SAMD5: variants seen among roughly 807,000 people sequenced by gnomAD.
SAMD5 encodes the protein sterile alpha motif domain-containing protein 5.
SAMD5 carries 13 observed loss-of-function variants against 11.3 expected under a neutral mutation model. That is an observed-to-expected ratio of 1.15 (90% CI 0.75 to 1.83). SAMD5 has a LOEUF of 1.83. SAMD5 is among the 40% of genes most tolerant of loss of function. The probability of loss-of-function intolerance (pLI) is 0.00; values close to 1 mark genes in which losing one functional copy is unlikely to be tolerated. For missense variants in SAMD5, 255 were observed against 239.1 expected (o/e 1.07, Z -0.44); for synonymous variants, 129 against 111.3 (o/e 1.16, Z -1.00).
intron 1 of SAMD5, among the ~76,000 whole-genome samples, chr6:147,657,751 A>G (rs1790592366): frequency 6.6e-6 from 1 of 152,200 alleles, no homozygotes; most frequent in Non-Finnish European, 1.5e-5. Flanking sequence ...TAGAAGGGGC[A>G]TGGAAGCTCT....
At position 147,566,779 on chromosome 6, in the gene SAMD5, A is replaced by C. The variant is rs1196145710; in HGVS notation, c.*2323A>C. ...GAAGAAAACTTCAAATAAGCAAAGA[A>C]GTATTGAAGGATGCCCACGAATTCC... On this transcript the variant is annotated 3_prime_UTR_variant, in exon 2 of 2. Transcript: ENST00000367474. 1 of 983,718 alleles carries C rather than the reference A, an allele frequency of 1.0e-6. No homozygotes were observed. The highest frequency in any genetic ancestry group is 1.2e-6 in the Non-Finnish European group (1 of 828,476). The allele number at this position is 983,718 out of a possible 1,614,324, so 60.9% of individuals were successfully genotyped here.
chr6:147,547,318 G>A (rs1203677068), intron 1 of SAMD5, among the ~76,000 whole-genome samples: 1 of 152,238 alleles, frequency 6.6e-6, no homozygotes, highest in Non-Finnish European at 1.5e-5. Context: ...TCTGCTCAGA[G>A]TTGCAGAAAG....
chr6:147,564,118 T>A (rs1204073464), intron 1 of SAMD5, among the ~76,000 whole-genome samples: 1 of 152,198 alleles, frequency 6.6e-6, no homozygotes, highest in East Asian at 1.9e-4. Flanking sequence ...TTTTTTAAGT[T>A]TCCACCTCTT....
chr6:147,747,537 C>T, the SAMD5 span, among the ~76,000 whole-genome samples: 22 of 152,180 alleles, frequency 1.4e-4, no homozygotes, highest in African/African-American at 4.6e-4. Context: ...TTTTTTGAGA[C>T]GGGGTCTCTA....
Position 147,632,575 on chromosome 6 carries a change from G to A in SAMD5, c.163-104742G>A, listed in dbSNP as rs150372404. Among the ~76,000 whole-genome samples the A allele has an allele frequency of 3.2e-3, 486 of 152,256 alleles. 2 individuals carry two copies. The highest frequency in any genetic ancestry group is 0.011 in the African/African-American group (450 of 41,544). On this transcript the variant is annotated intron_variant, in intron 1 of 1. Transcript: ENST00000566741. ...TAAAAGTATTAAGGCAGTGGGAGCC[G>A]CCGCATGCAGACATGAGGGCTAGGC...
At chr6:147,942,863 C>T in the SAMD5 span, among the ~76,000 whole-genome samples, 6 of 133,128 alleles carry the variant, frequency 4.5e-5, no homozygotes, top group South Asian at 2.3e-4. Context: ...TTTGCTCTGT[C>T]GCCCAGGCTT....
chr6:147,796,205 A>C, the SAMD5 span, among the ~76,000 whole-genome samples: 1 of 151,412 alleles, frequency 6.6e-6, no homozygotes, highest in East Asian at 1.9e-4. Flanking sequence ...TTTAGGTCTA[A>C]CGTTTAAGTC....
intron 1 of SAMD5, among the ~76,000 whole-genome samples, chr6:147,618,516 TAGG>T (rs1424789871): frequency 6.6e-6 from 1 of 152,106 alleles, no homozygotes; most frequent in Admixed American, 6.6e-5. Context: ...GGTGAAGATA[TAGG>T]AGGTCAAATA....
chr6:147,857,407 C>A, the SAMD5 span, among the ~76,000 whole-genome samples: 1 of 151,494 alleles, frequency 6.6e-6, no homozygotes, highest in East Asian at 1.9e-4. Context: ...TTCCAGTGGC[C>A]GTGGTGGGAG....
Position 147,711,494 on chromosome 6 carries a change from TAGAA to T in SAMD5, c.163-25818_163-25815del, listed in dbSNP as rs1791399865. On this transcript the variant is annotated intron_variant, in intron 1 of 1. Transcript: ENST00000566741. The surrounding 1 kb of genome is among the most constrained non-coding windows in gnomAD (Gnocchi z 4.1). ...AAGATTCCTGCACTTTAGGCTGAAA[TAGAA>T]AGAAGCTCAAAACAAACCCACTGGC... Among the ~76,000 whole-genome samples, 1 of 152,184 alleles carries T rather than the reference TAGAA, an allele frequency of 6.6e-6. No homozygotes were observed. Among genetic ancestry groups the T allele is most frequent in the Admixed American group, 6.5e-5 (1 of 15,286 alleles).
chr6:147,591,917 C>T (rs1405563339), intron 1 of SAMD5, among the ~76,000 whole-genome samples: 1 of 152,090 alleles, frequency 6.6e-6, no homozygotes, highest in Non-Finnish European at 1.5e-5. Context: ...CCTCAGCAAG[C>T]AGCTCTTCTG....
chr6:147,870,456 GTGTGTGTGTGTGTGTGTGTGTGTGTGTA>G, the SAMD5 span, among the ~76,000 whole-genome samples: 2 of 129,016 alleles, frequency 1.6e-5, no homozygotes, highest in African/African-American at 6.1e-5. Context: ...GTGAGTGTGT[GTGTGTGTGTGTGTGTGTGTGTGTGTGTA>G]TATATATATG....
the SAMD5 span, among the ~76,000 whole-genome samples, chr6:147,926,482 C>A: frequency 6.6e-6 from 1 of 151,546 alleles, no homozygotes; most frequent in Non-Finnish European, 1.5e-5. Context: ...CGTGTGTCTT[C>A]TTTGGAAAAG....
At chr6:147,804,706 G>T in the SAMD5 span, among the ~76,000 whole-genome samples, 1 of 152,160 alleles carries the variant, frequency 6.6e-6, no homozygotes, top group African/African-American at 2.4e-5. Flanking sequence ...TCGTTTCTTA[G>T]GCTGCGTAAC....
rs1245982736 is a variant in SAMD5, at chr6:147,509,211, C to CG, written c.289dup (p.Glu97GlyfsTer41). ...CGCCGACGCCGTCCCCACCGGCCGC[C>CG]GGGGGGAGCCGTGCGGCGGCCCGGC... On this transcript the variant is annotated frameshift_variant, in exon 1 of 2. Transcript: ENST00000367474. LOFTEE classifies it high-confidence loss of function. The CG allele has an allele frequency of 3.1e-6, 4 of 1,305,062 alleles. No homozygotes were observed. Among genetic ancestry groups the CG allele is most frequent in the South Asian group, 2.6e-5 (1 of 38,566 alleles). The allele number at this position is 1,305,062 out of a possible 1,614,324, so 80.8% of individuals were successfully genotyped here. A position where few individuals can be genotyped will look rare whatever the true frequency, so the allele number is the denominator to read the frequency against.
intron 1 of SAMD5, among the ~76,000 whole-genome samples, chr6:147,708,114 T>C (rs1415392378): frequency 6.6e-6 from 1 of 152,066 alleles, no homozygotes; most frequent in Non-Finnish European, 1.5e-5. Context: ...CCCCAGAACC[T>C]CAGAATGTGA....
At chr6:147,586,774 A>G (rs553941357) in intron 1 of SAMD5, among the ~76,000 whole-genome samples, 10 of 152,136 alleles carry the variant, frequency 6.6e-5, no homozygotes, top group Admixed American at 5.2e-4. Context: ...AAAGTAAAAG[A>G]CAATTACTGA....
the SAMD5 span, among the ~76,000 whole-genome samples, chr6:147,874,917 A>G: frequency 6.6e-6 from 1 of 152,076 alleles, no homozygotes; most frequent in Non-Finnish European, 1.5e-5. Flanking sequence ...AAGCTGCGTT[A>G]AGAGTTTTCT....
chr6:147,873,060 G>T, the SAMD5 span, among the ~76,000 whole-genome samples: 6 of 152,260 alleles, frequency 3.9e-5, no homozygotes, highest in South Asian at 1.2e-3. Flanking sequence ...TCTTAAATAT[G>T]ATGAGAAACT....
Sources: allele counts gnomAD v4.1 joint callset (sites outside exome capture counted in the v4.1 genomes callset), GRCh38; gene constraint gnomAD v4.1.1; non-coding constraint Gnocchi (gnomAD v3.1); transcripts MANE v1.5; gene names NCBI Gene and HGNC (gene_info 2026-07-23, HGNC 2026-07-21).